CLSTN2: variants seen among roughly 807,000 people sequenced by gnomAD.
CLSTN2 encodes the protein calsyntenin-2.
In CLSTN2, 48 loss-of-function variants were observed where a neutral mutation model predicts 101.2. That is an observed-to-expected ratio of 0.47 (90% CI 0.38 to 0.60). CLSTN2 has a LOEUF of 0.60. Among genes scored for constraint, CLSTN2 ranks in the 20% least tolerant of loss-of-function variants. CLSTN2 has a pLI of 0.00. For missense variants in CLSTN2, 1,160 were observed against 1,238.2 expected, an observed-to-expected ratio of 0.94 and a Z score of 0.95; for synonymous variants, 481 against 463.6, an observed-to-expected ratio of 1.04 and a Z score of -0.48.
chr3:140,284,132 C>G (rs1210266520), intron 2 of CLSTN2, among the ~76,000 whole-genome samples: 1 of 152,144 alleles, frequency 6.6e-6, no homozygotes, highest in African/African-American at 2.4e-5. Flanking sequence ...CAGCAAGATA[C>G]TCACTGTTGA....
chr3:140,459,144 T>C (rs2108015863), intron 6 of CLSTN2, among the ~76,000 whole-genome samples: 1 of 152,240 alleles, frequency 6.6e-6, no homozygotes, highest in African/African-American at 2.4e-5. Context: ...GGCTGGCAGG[T>C]TAACAGATGG....
chr3:140,021,619 A>T (rs1368306047), intron 1 of CLSTN2, among the ~76,000 whole-genome samples: 1 of 152,058 alleles, frequency 6.6e-6, no homozygotes, highest in Non-Finnish European at 1.5e-5. Flanking sequence ...ATGCTCCAGG[A>T]GCACCAAGGA....
intron 1 of CLSTN2, among the ~76,000 whole-genome samples, chr3:140,110,440 G>C (rs1243561985): frequency 1.3e-5 from 2 of 152,198 alleles, no homozygotes; most frequent in Non-Finnish European, 2.9e-5. Flanking sequence ...TCGTGTTATT[G>C]AATAAAGAAA....
chr3:140,182,875 T>G (rs2010430576), intron 2 of CLSTN2, among the ~76,000 whole-genome samples: 1 of 152,186 alleles, frequency 6.6e-6, no homozygotes, highest in Non-Finnish European at 1.5e-5. Flanking sequence ...CAGCTCCTCC[T>G]GTGCTGAGTG....
intron 1 of CLSTN2, among the ~76,000 whole-genome samples, chr3:140,069,936 G>A (rs2008363235): frequency 6.6e-6 from 1 of 152,190 alleles, no homozygotes; most frequent in Admixed American, 6.5e-5. Context: ...GAAAGTTAGG[G>A]AAAGTTGTTT....
At chr3:140,447,132 A>T (rs1933101040) in intron 5 of CLSTN2, among the ~76,000 whole-genome samples, 1 of 152,260 alleles carries the variant, frequency 6.6e-6, no homozygotes, top group Non-Finnish European at 1.5e-5. Flanking sequence ...CCCACAATGC[A>T]GGACTTTCTG....
intron 2 of CLSTN2, among the ~76,000 whole-genome samples, chr3:140,216,730 G>C (rs2010925640): frequency 6.6e-6 from 1 of 152,150 alleles, no homozygotes; most frequent in Non-Finnish European, 1.5e-5. Context: ...GAGATGTAAA[G>C]TGCAAAAGCA....
At position 140,127,448 on chromosome 3, in the gene CLSTN2, G is replaced by A. The variant is rs73868733; in HGVS notation, c.110-48503G>A. 2.6e-3 allele frequency among the ~76,000 whole-genome samples: 396 copies of A among 152,286 alleles called. 3 individuals are homozygous for A. The highest frequency in any genetic ancestry group is 9.3e-3 in the African/African-American group (386 of 41,562). On this transcript the variant is annotated intron_variant, in intron 1 of 16. Transcript: ENST00000458420. ...GTTTAACTATGATTACTAATATGCTGCAGCCTACCTTCTGGATCTTGAATG... is the reference window on the plus strand; with the variant it reads ...GTTTAACTATGATTACTAATATGCTACAGCCTACCTTCTGGATCTTGAATG...
chr3:140,305,838 A>C (rs2087109430), intron 2 of CLSTN2, among the ~76,000 whole-genome samples: 1 of 152,166 alleles, frequency 6.6e-6, no homozygotes, highest in Non-Finnish European at 1.5e-5. Context: ...CAAAGTGCAC[A>C]AAATGAAGCC....
Position 140,078,582 on chromosome 3 carries a change from A to G in CLSTN2, c.110-97369A>G, listed in dbSNP as rs146577146. Among the ~76,000 whole-genome samples, 314 of 152,330 alleles carry G rather than the reference A, an allele frequency of 2.1e-3. 1 individual carries two copies. Among genetic ancestry groups the G allele is most frequent in the Middle Eastern group, 6.8e-3 (2 of 294 alleles). On this transcript the variant is annotated intron_variant, in intron 1 of 16. Transcript: ENST00000458420. ...AGCTGTGCCACAGCCTGGAATTATT[A>G]TGCTGACACACAAAAGAGGGCGGGA...
rs1576579567 is a variant in CLSTN2, at chr3:140,459,389, T to C, written c.974-132T>C. On this transcript the variant is annotated intron_variant, in intron 6 of 16. Coordinates refer to ENST00000458420, the MANE Select transcript of CLSTN2 (RefSeq NM_022131.3). ...AGCATTTAGCACTTCTTTTCCTAAG[T>C]CACATAGCTCATGGTTAGGCACAGA... The C allele has an allele frequency of 2.6e-5, 26 of 1,010,442 alleles. No homozygotes were observed. In the East Asian group the frequency reaches 6.3e-4, roughly 24 times the overall value. The allele number at this position is 1,010,442 out of a possible 1,614,324, so 62.6% of individuals were successfully genotyped here.
chr3:140,250,255 G>A (rs1459249497), intron 2 of CLSTN2, among the ~76,000 whole-genome samples: 2 of 152,190 alleles, frequency 1.3e-5, no homozygotes, highest in African/African-American at 2.4e-5. Flanking sequence ...CCCACTCTGT[G>A]CCGAGCAACG....
intron 8 of CLSTN2, among the ~76,000 whole-genome samples, chr3:140,528,180 A>T (rs530916186): frequency 6.6e-6 from 1 of 152,196 alleles, no homozygotes; most frequent in Non-Finnish European, 1.5e-5. Flanking sequence ...ATTAAATAGT[A>T]TAAGGAGGAA....
At chr3:140,296,172 C>A (rs1476519128) in intron 2 of CLSTN2, among the ~76,000 whole-genome samples, 1 of 152,170 alleles carries the variant, frequency 6.6e-6, no homozygotes, top group Non-Finnish European at 1.5e-5. Flanking sequence ...AAGGGGGAAC[C>A]ACCTTCCTCA....
intron 9 of CLSTN2, among the ~76,000 whole-genome samples, chr3:140,532,721 G>A (rs768852377): frequency 3.6e-4 from 55 of 152,284 alleles, no homozygotes; most frequent in Admixed American, 2.7e-3. Flanking sequence ...CAGTTTCATG[G>A]TTGTCTCTGA....
At chr3:140,468,735 C>G (rs1369579153) in intron 8 of CLSTN2, among the ~76,000 whole-genome samples, 1 of 152,078 alleles carries the variant, frequency 6.6e-6, no homozygotes, top group African/African-American at 2.4e-5. Context: ...CTTTGGTGTG[C>G]CAGCTAATTC....
intron 1 of CLSTN2, among the ~76,000 whole-genome samples, chr3:140,112,142 C>T (rs956132473): frequency 4.6e-5 from 7 of 152,206 alleles, no homozygotes; most frequent in African/African-American, 1.7e-4. Flanking sequence ...ATAGAACACA[C>T]ATTCATTTCC....
chr3:140,289,255 C>T (rs2086927467), intron 2 of CLSTN2, among the ~76,000 whole-genome samples: 1 of 151,892 alleles, frequency 6.6e-6, no homozygotes, highest in Non-Finnish European at 1.5e-5. Context: ...TCCAAGGTCA[C>T]ACAGCTAAAA....
At chr3:140,004,136 G>A (rs1259082849) in intron 1 of CLSTN2, among the ~76,000 whole-genome samples, 1 of 152,148 alleles carries the variant, frequency 6.6e-6, no homozygotes, top group Non-Finnish European at 1.5e-5. Context: ...TATACATCAA[G>A]CAATGCCCAC....
Sources: gnomAD v4.1 joint callset for allele counts (sites outside exome capture counted in the v4.1 genomes callset) on GRCh38, gnomAD v4.1.1 for gene constraint, MANE v1.5 for transcripts, NCBI Gene and HGNC (gene_info 2026-07-23, HGNC 2026-07-21) for gene names.